Variants in DST observed in about 807,000 individuals in gnomAD.
DST encodes the protein bullous pemphigoid antigen.
In DST, 253 loss-of-function variants were observed where a neutral mutation model predicts 875.2. The observed-to-expected ratio is 0.29, with a 90% CI of 0.26 to 0.32. DST has a LOEUF of 0.32. Among genes scored for constraint, DST ranks in the 10% least tolerant of loss-of-function variants. DST has a pLI of 1.00. For missense variants in DST, 8,287 were observed against 9,111.6 expected, an observed-to-expected ratio of 0.91 and a Z score of 3.68; for synonymous variants, 3,124 against 3,197.1, an observed-to-expected ratio of 0.98 and a Z score of 0.77.
chr6:56,564,208 G>C (rs527914569), intron 55 of DST, among the ~76,000 whole-genome samples: 4 of 152,310 alleles, frequency 2.6e-5, no homozygotes, highest in Non-Finnish European at 5.9e-5. Flanking sequence ...CTACCCATGA[G>C]CATGGAATGT....
At chr6:56,545,251 G>A (rs1413379253) in intron 61 of DST, among the ~76,000 whole-genome samples, 1 of 151,904 alleles carries the variant, frequency 6.6e-6, no homozygotes, top group Non-Finnish European at 1.5e-5. Context: ...CAGTCCTCCT[G>A]CCTCAGTCTC....
intron 74 of DST, among the ~76,000 whole-genome samples, chr6:56,509,386 T>A (rs117993233): frequency 3.9e-5 from 6 of 152,192 alleles, no homozygotes; most frequent in African/African-American, 1.2e-4. Context: ...AAGGCCTGAA[T>A]ACACATGGTC....
chr6:56,499,762 T>C (rs1328133381), intron 80 of DST, among the ~76,000 whole-genome samples: 1 of 152,134 alleles, frequency 6.6e-6, no homozygotes, highest in African/African-American at 2.4e-5. Context: ...TCTACCATAT[T>C]ATACAAAGTT....
Position 56,608,815 on chromosome 6 carries a change from C to T in DST, c.5813G>A (p.Ser1938Asn), listed in dbSNP as rs2098520052. 4.3e-6 allele frequency: 7 copies of T among 1,611,454 alleles called. No homozygotes were observed. Among genetic ancestry groups the T allele is most frequent in the Non-Finnish European group, 5.9e-6 (7 of 1,178,538 alleles). Residue 1938 changes from serine (S) to asparagine (N), a missense_variant, in exon 40 of 104, where the codon AGT (serine) becomes AAT (asparagine). Physicochemically the swap from Ser to Asn is conservative, Grantham distance 46. This residue lies in a region of DST where 3,138 missense variants were observed against 3,116.6 expected (regional missense o/e 1.01). Coordinates refer to ENST00000680361, the MANE Select transcript of DST (RefSeq NM_001374736.1). ...CATCCCTGTGTTTTCCTGTAAAGTA[C>T]TTCTTTGTACCATATCTATTAAAGA... Reference protein sequence around the residue: ...KVSLIDMVQRSTLQENTGMWL... With the variant: ...KVSLIDMVQRNTLQENTGMWL...
intron 9 of DST, among the ~76,000 whole-genome samples, chr6:56,686,960 T>C (rs138588281): frequency 1.3e-4 from 20 of 152,314 alleles, no homozygotes; most frequent in Non-Finnish European, 2.2e-4. Flanking sequence ...AAGACCTGCA[T>C]TGAATGTAAG....
Position 56,476,149 on chromosome 6 carries a change from C to A in DST, c.21864G>T (p.Gln7288His). 6.3e-7 allele frequency: 1 copy of A among 1,596,792 alleles called. No homozygotes were observed. Among genetic ancestry groups the A allele is most frequent in the South Asian group, 1.1e-5 (1 of 87,614 alleles). Residue 7288 changes from glutamine to histidine, a missense_variant and splice_region_variant, in exon 92 of 104, where the codon CAG becomes CAT. By Grantham distance (24) the Gln-to-His change is conservative. Coordinates refer to ENST00000680361, the MANE Select transcript of DST (RefSeq NM_001374736.1). ...EEVKALIAEH[Q>H]TFMEEMTRKQ... ...GGAGTTAGGATTATATTTATTTTAC[C>A]TGGTGTTCTGCAATGAGTGCTTTCA...
intron 4 of DST, among the ~76,000 whole-genome samples, chr6:56,736,935 A>G (rs114878950): frequency 0.032 from 4,938 of 152,224 alleles, 223 homozygotes; most frequent in African/African-American, 0.11. Context: ...GCCCTTCGGG[A>G]GGCCAATGCA....
intron 2 of DST, among the ~76,000 whole-genome samples, chr6:56,946,446 T>C (rs1243175354): frequency 1.3e-5 from 2 of 152,158 alleles, no homozygotes; most frequent in African/African-American, 2.4e-5. Context: ...GTTGGTGACA[T>C]AGGGAGGTTT....
rs767550848 is a variant in DST, at chr6:56,604,646, G to A, written c.9982C>T (p.Pro3328Ser). 6 of 1,612,380 alleles carry A rather than the reference G, an allele frequency of 3.7e-6. No individual in the cohort carries two copies. The highest frequency in any genetic ancestry group is 5.1e-6 in the Non-Finnish European group (6 of 1,179,092). The change falls in exon 40 of 104, where the codon CCA (proline) becomes TCA (serine). Residue 3328 changes from proline (P) to serine (S), a missense_variant. Transcript: ENST00000680361. ...NKKERIEQQL[P>S]KEQALSPRSQ... ...CTTGGAGACAAGGCTTGTTCTTTTGGTAGCTGTTGCTCAATTCTTTCTTTC... is the reference window on the plus strand; with the variant it reads ...CTTGGAGACAAGGCTTGTTCTTTTGATAGCTGTTGCTCAATTCTTTCTTTC...
intron 83 of DST, among the ~76,000 whole-genome samples, chr6:56,493,777 T>C (rs1224795815): frequency 6.6e-6 from 1 of 152,168 alleles, no homozygotes; most frequent in Non-Finnish European, 1.5e-5. Flanking sequence ...AAGTAACATT[T>C]GATCTATATA....
intron 98 of DST, among the ~76,000 whole-genome samples, chr6:56,468,571 A>C (rs529897187): frequency 6.6e-6 from 1 of 152,292 alleles, no homozygotes; most frequent in South Asian, 2.1e-4. Flanking sequence ...CCTGAGGCTG[A>C]TCCTTCTCAG....
At chr6:56,630,129 G>C in intron 31 of DST, 116 bp downstream of exon 31, 1 of 789,400 alleles carries the variant, frequency 1.3e-6, no homozygotes. Flanking sequence ...AGACACAAAT[G>C]GAATAAATCC....
At chr6:56,947,871 C>G (rs1297626276) in intron 2 of DST, among the ~76,000 whole-genome samples, 1 of 151,348 alleles carries the variant, frequency 6.6e-6, no homozygotes, top group Admixed American at 6.6e-5. Flanking sequence ...TTATCCACCA[C>G]AGATCCATTC....
intron 4 of DST, among the ~76,000 whole-genome samples, chr6:56,791,621 A>T (rs2099724036): frequency 6.6e-6 from 1 of 151,876 alleles, no homozygotes; most frequent in Non-Finnish European, 1.5e-5. Flanking sequence ...TCCCGTCTCT[A>T]CAAATAATTT....
chr6:56,780,548 C>A (rs1254628885), intron 4 of DST, among the ~76,000 whole-genome samples: 1 of 152,026 alleles, frequency 6.6e-6, no homozygotes, highest in Non-Finnish European at 1.5e-5. Flanking sequence ...CTGTTCATAT[C>A]CTTTGCCCAC....
At position 56,553,051 on chromosome 6, in the gene DST, A is replaced by T. The variant is rs752418911; in HGVS notation, c.15741T>A (p.Asn5247Lys). Reference protein sequence around the residue: ...EIDKEVVTDENKSLIQKVDMV... With the variant: ...EIDKEVVTDEKKSLIQKVDMV... ...TGTCCACCTTCTGGATCAGTGACTT[A>T]TTCTCATCTGTAACAACTTCTTTAT... The change falls in exon 61 of 104, where the codon AAT (asparagine) becomes AAA (lysine). Residue 5247 changes from asparagine to lysine, a missense_variant. Transcript: ENST00000680361. The T allele has an allele frequency of 6.2e-7, 1 of 1,613,912 alleles. No homozygotes were observed. The highest frequency in any genetic ancestry group is 1.1e-5 in the South Asian group (1 of 91,082).
intron 2 of DST, among the ~76,000 whole-genome samples, chr6:56,904,858 C>T (rs1562352014): frequency 6.6e-6 from 1 of 152,170 alleles, no homozygotes; most frequent in South Asian, 2.1e-4. Context: ...GGCGCAATAT[C>T]GGCTCACTGC....
Position 56,714,026 on chromosome 6 carries a change from T to C in DST, c.688-9657A>G, listed in dbSNP as rs912758987. 3.3e-5 allele frequency among the ~76,000 whole-genome samples: 5 copies of C among 152,174 alleles called. No individual in the cohort carries two copies. Among genetic ancestry groups the C allele is most frequent in the African/African-American group, 4.8e-5 (2 of 41,448 alleles). On this transcript the variant is annotated intron_variant, in intron 5 of 103. Coordinates refer to ENST00000680361, the MANE Select transcript of DST (RefSeq NM_001374736.1). The surrounding 1 kb of genome is among the most constrained non-coding windows in gnomAD (Gnocchi z 4.5). The stretch of plus-strand genomic sequence containing the variant: ...AAGGAGAGGAACACTAAAACTATTT[T>C]TAAAGACACCCCCAGATGATGAGAT...
chr6:56,719,386 C>A (rs2099406357), intron 5 of DST, among the ~76,000 whole-genome samples: 1 of 152,124 alleles, frequency 6.6e-6, no homozygotes, highest in South Asian at 2.1e-4. Context: ...TAGACCAAAG[C>A]CGGGGTTATA....
Sources: allele counts gnomAD v4.1 joint callset (sites outside exome capture counted in the v4.1 genomes callset), GRCh38; gene constraint gnomAD v4.1.1; regional missense constraint gnomAD v4.1.1; non-coding constraint Gnocchi (gnomAD v3.1); transcripts MANE v1.5; gene names NCBI Gene and HGNC (gene_info 2026-07-23, HGNC 2026-07-21).